The following TMEM50B variants were observed in gnomAD, a reference collection of about 807,000 sequenced individuals.
TMEM50B encodes HCV p7-trans-regulated protein 3.
TMEM50B carries 14 observed loss-of-function variants against 23.4 expected under a neutral mutation model. That is an observed-to-expected ratio of 0.60 (90% CI 0.39 to 0.93). TMEM50B has a LOEUF of 0.93. TMEM50B is among the 40% of genes least tolerant of loss of function. TMEM50B has a pLI of 0.00. For missense variants in TMEM50B, 159 were observed against 193.0 expected, an observed-to-expected ratio of 0.82 and a Z score of 1.04; for synonymous variants, 64 against 62.3, an observed-to-expected ratio of 1.03 and a Z score of -0.13.
At chr21:33,476,037 G>C (rs1568989204) in intron 1 of TMEM50B, among the ~76,000 whole-genome samples, 2 of 152,182 alleles carry the variant, frequency 1.3e-5, no homozygotes, top group Admixed American at 6.5e-5. Flanking sequence ...GGTAAGAAGA[G>C]TAATAAATCC....
At chr21:33,433,814 T>C (rs2083915828) in intron 8 of TMEM50B, among the ~76,000 whole-genome samples, 1 of 151,550 alleles carries the variant, frequency 6.6e-6, no homozygotes, top group Admixed American at 6.6e-5. Flanking sequence ...TGGCATGGGG[T>C]TGGCTAAAAA....
intron 5 of TMEM50B, among the ~76,000 whole-genome samples, chr21:33,456,285 A>G (rs2123426216): frequency 6.6e-6 from 1 of 152,300 alleles, no homozygotes; most frequent in Non-Finnish European, 1.5e-5. Flanking sequence ...CTACAGCCCA[A>G]ACTCCTGGGC....
chr21:33,469,765 A>G (rs1040053479), intron 1 of TMEM50B: 2 of 152,222 alleles, frequency 1.3e-5, no homozygotes, highest in Non-Finnish European at 1.5e-5. Context: ...ACTGCCAGAC[A>G]TGAGTAAAGA....
At chr21:33,446,351 C>T (rs1294105328), downstream of TMEM50B, among the ~76,000 whole-genome samples, 1 of 151,290 alleles carries the variant, frequency 6.6e-6, no homozygotes, top group East Asian at 1.9e-4. Flanking sequence ...ATTCTCCTGC[C>T]TCAGCATCCC....
rs891549103 is a variant in TMEM50B at position 33,436,010 on chromosome 21, G to A, written c.*2120+3204C>T. On this transcript the variant is annotated intron_variant and NMD_transcript_variant, in intron 8 of 8. Coordinates refer to the TMEM50B transcript ENST00000420455. ...CAGGAGGCGGAAGTTGCAGTGAGCC[G>A]AGATCGCGCCACTGCACTCCAGCCT... Among the ~76,000 whole-genome samples the A allele has an allele frequency of 1.2e-4, 18 of 151,940 alleles. No individual in the cohort carries two copies. In the East Asian group the frequency reaches 1.4e-3, roughly 11 times the overall value.
intron 1 of TMEM50B, among the ~76,000 whole-genome samples, chr21:33,476,251 C>T (rs938468170): frequency 2.0e-5 from 3 of 151,696 alleles, no homozygotes; most frequent in African/African-American, 7.3e-5. Context: ...GAGGTGGTGG[C>T]GCATGTCTGT....
chr21:33,460,777 G>A (rs1411809717), intron 4 of TMEM50B, among the ~76,000 whole-genome samples: 1 of 152,078 alleles, frequency 6.6e-6, no homozygotes, highest in Non-Finnish European at 1.5e-5. Context: ...TTACACTGTT[G>A]TATATATTAC....
intron 6 of TMEM50B, among the ~76,000 whole-genome samples, chr21:33,452,709 C>G (rs1247457892): frequency 6.6e-6 from 1 of 152,156 alleles, no homozygotes; most frequent in African/African-American, 2.4e-5. Flanking sequence ...CATCCCAAAA[C>G]AAAGCTTAAA....
intron 1 of TMEM50B, among the ~76,000 whole-genome samples, chr21:33,476,689 A>G (rs905412423): frequency 5.4e-5 from 7 of 129,582 alleles, no homozygotes; most frequent in African/African-American, 1.8e-4. Flanking sequence ...TGAACCCGGG[A>G]GGTGGAGCTT....
At position 33,467,529 on chromosome 21, in the gene TMEM50B, CAGG is replaced by C. The variant is rs56999639; in HGVS notation, c.100-410_100-408del. On this transcript the variant is annotated intron_variant, in intron 2 of 6. Transcript: ENST00000542230. Reference sequence around the variant, plus strand: ...ATCCCAGCTACTTGGGAGGCTGAAGCAGGAGAATCGCTTAAACCCAGGAGGTGG... The same window carrying C: ...ATCCCAGCTACTTGGGAGGCTGAAGCAGAATCGCTTAAACCCAGGAGGTGG... Among the ~76,000 whole-genome samples, 1,522 of 152,282 alleles carry C rather than the reference CAGG, an allele frequency of 1.0e-2. 33 individuals carry two copies. Among genetic ancestry groups the C allele is most frequent in the African/African-American group, 0.035 (1,463 of 41,550 alleles).
intron 8 of TMEM50B, among the ~76,000 whole-genome samples, chr21:33,433,380 A>T (rs1251782701): frequency 6.6e-6 from 1 of 152,262 alleles, no homozygotes; most frequent in East Asian, 1.9e-4. Context: ...TGAAGGATTA[A>T]TAGATAAATC....
intron 5 of TMEM50B, among the ~76,000 whole-genome samples, chr21:33,459,330 A>T (rs567976691): frequency 6.6e-6 from 1 of 152,266 alleles, no homozygotes; most frequent in South Asian, 2.1e-4. Context: ...ATATGTGTTC[A>T]GTCTTGCCCT....
At chr21:33,453,339 C>T (rs1179140610) in intron 6 of TMEM50B, among the ~76,000 whole-genome samples, 1 of 152,054 alleles carries the variant, frequency 6.6e-6, no homozygotes, top group Non-Finnish European at 1.5e-5. Context: ...ATCCACCCGC[C>T]TTGGCCTCCC....
intron 2 of TMEM50B, chr21:33,468,339 T>TTA (rs1276087834): frequency 6.5e-6 from 1 of 153,418 alleles, no homozygotes; most frequent in African/African-American, 2.4e-5. Context: ...GAAACAGAGA[T>TTA]GGTATTTCTT....
chr21:33,452,376 AG>A (rs1204290386), intron 6 of TMEM50B, among the ~76,000 whole-genome samples: 2 of 152,188 alleles, frequency 1.3e-5, no homozygotes, highest in Non-Finnish European at 2.9e-5. Context: ...GGAGATCTGC[AG>A]GGGGTGCTCC....
At chr21:33,473,293 A>G (rs2084334768) in intron 1 of TMEM50B, among the ~76,000 whole-genome samples, 1 of 151,924 alleles carries the variant, frequency 6.6e-6, no homozygotes, top group Non-Finnish European at 1.5e-5. Context: ...TCTCTAATAA[A>G]AATACAAAAA....
At position 33,454,168 on chromosome 21, in the gene TMEM50B, T is replaced by G. The variant is rs115465883; in HGVS notation, c.431+1559A>C. On this transcript the variant is annotated intron_variant, in intron 6 of 6. Coordinates refer to ENST00000542230, the MANE Select transcript of TMEM50B (RefSeq NM_006134.7). Reference sequence around the variant, plus strand: ...GAATGGACTTCATTTTGGGGATATTTTAGAAGACTGCCCCTAAAAAATACT... The same window carrying G: ...GAATGGACTTCATTTTGGGGATATTGTAGAAGACTGCCCCTAAAAAATACT... Among the ~76,000 whole-genome samples the G allele has an allele frequency of 9.0e-3, 1,368 of 152,160 alleles. 28 individuals are homozygous for G. Among genetic ancestry groups the G allele is most frequent in the African/African-American group, 0.032 (1,318 of 41,484 alleles).
chr21:33,466,841 C>T (rs1372595034), intron 3 of TMEM50B, among the ~76,000 whole-genome samples, 169 bp downstream of exon 3: 1 of 151,510 alleles, frequency 6.6e-6, no homozygotes, highest in African/African-American at 2.4e-5. Context: ...CCAAATCCAA[C>T]ACTCATTCTT....
At chr21:33,475,625 C>G (rs1200434457) in intron 1 of TMEM50B, among the ~76,000 whole-genome samples, 1 of 151,560 alleles carries the variant, frequency 6.6e-6, no homozygotes, top group Admixed American at 6.6e-5. Context: ...GGAATACAGG[C>G]GTGAGCCACC....
Sources: gnomAD v4.1 joint callset for allele counts (sites outside exome capture counted in the v4.1 genomes callset) on GRCh38, gnomAD v4.1.1 for gene constraint, MANE v1.5 for transcripts, NCBI Gene and HGNC (gene_info 2026-07-23, HGNC 2026-07-21) for gene names.